The following SORCS3 variants were observed in gnomAD, a reference collection of about 807,000 sequenced individuals.
The protein encoded by SORCS3 is VPS10 domain-containing receptor SorCS3.
A neutral mutation model predicts 146.3 loss-of-function variants in SORCS3; 57 were observed. The observed-to-expected ratio is 0.39, with a 90% CI of 0.31 to 0.49. SORCS3 has a LOEUF of 0.49. Ranked by LOEUF, SORCS3 falls within the 20% of genes least tolerant of loss-of-function variation. SORCS3 has a pLI of 0.92. For synonymous variants in SORCS3, 653 were observed against 618.5 expected (o/e 1.06, Z -0.83); for missense variants, 1,341 against 1,575.5 (o/e 0.85, Z 2.52).
At chr10:104,983,174 A>G (rs374330034) in intron 4 of SORCS3, among the ~76,000 whole-genome samples, 148 of 152,036 alleles carry the variant, frequency 9.7e-4, no homozygotes, top group Middle Eastern at 3.4e-3. Context: ...TAATTTTTAT[A>G]TTTTTATGTA....
At chr10:104,739,799 G>A (rs956285308) in intron 1 of SORCS3, among the ~76,000 whole-genome samples, 2 of 152,140 alleles carry the variant, frequency 1.3e-5, no homozygotes, top group Non-Finnish European at 2.9e-5. Flanking sequence ...CACCTACTCA[G>A]TCATTTGATT....
chr10:104,740,956 T>TTTA (rs913073056), intron 1 of SORCS3, among the ~76,000 whole-genome samples: 12 of 151,450 alleles, frequency 7.9e-5, no homozygotes, highest in East Asian at 3.9e-4. Context: ...TCCTCTCCCT[T>TTTA]TTATTATTAT....
At chr10:104,741,843 A>T (rs2016849286) in intron 1 of SORCS3, among the ~76,000 whole-genome samples, 1 of 148,722 alleles carries the variant, frequency 6.7e-6, no homozygotes, top group East Asian at 2.0e-4. Context: ...CTATTTTTTC[A>T]TGTGTTTCAA....
At chr10:104,826,583 A>G (rs904542031) in intron 1 of SORCS3, among the ~76,000 whole-genome samples, 10 of 152,242 alleles carry the variant, frequency 6.6e-5, no homozygotes, top group Non-Finnish European at 1.3e-4. Context: ...ATTGCTAAAA[A>G]TACTAATGAT....
At chr10:104,694,716 C>A (rs572013059) in intron 1 of SORCS3, among the ~76,000 whole-genome samples, 12 of 152,264 alleles carry the variant, frequency 7.9e-5, no homozygotes, top group African/African-American at 2.2e-4. Context: ...TCCTGCCTAG[C>A]CTTCATTCCC....
chr10:104,669,983 A>C (rs984636806), intron 1 of SORCS3, among the ~76,000 whole-genome samples: 15 of 152,186 alleles, frequency 9.9e-5, no homozygotes, highest in African/African-American at 3.6e-4. Context: ...AGTGATATTG[A>C]ACATCTTTTC....
At chr10:105,025,338 T>G (rs1383745482) in intron 4 of SORCS3, among the ~76,000 whole-genome samples, 1 of 152,156 alleles carries the variant, frequency 6.6e-6, no homozygotes, top group East Asian at 1.9e-4. Flanking sequence ...CAGGTCCTGA[T>G]AGCTGTGGGC....
chr10:105,193,856 T>C lies in SORCS3; in HGVS notation c.2010-6143T>C, dbSNP rs568762803. On this transcript the variant is annotated intron_variant, in intron 14 of 26. Transcript: ENST00000369701. ...GGAAGACCACCTGTAACCAGAGTCA[T>C]GTTAGCAGTGTAGGCATTTAGAATC... 3.9e-5 allele frequency among the ~76,000 whole-genome samples: 6 copies of C among 152,222 alleles called. No individual in the cohort carries two copies. In the South Asian group the frequency reaches 6.2e-4, roughly 16 times the overall value.
At chr10:105,226,199 T>C (rs2056733108) in intron 20 of SORCS3, among the ~76,000 whole-genome samples, 1 of 151,970 alleles carries the variant, frequency 6.6e-6, no homozygotes, top group Admixed American at 6.6e-5. Flanking sequence ...TATGGATTTG[T>C]CATATAGCCT....
At chr10:105,146,129 C>G (rs10509784) in intron 8 of SORCS3, among the ~76,000 whole-genome samples, 6,009 of 152,146 alleles carry the variant, frequency 0.039, 180 homozygotes, top group East Asian at 0.16. Flanking sequence ...ATCTATTACT[C>G]TTTGGCATAT....
intron 5 of SORCS3, among the ~76,000 whole-genome samples, chr10:105,081,976 A>G (rs988992366): frequency 2.0e-5 from 3 of 152,210 alleles, no homozygotes; most frequent in Admixed American, 1.3e-4. Flanking sequence ...CACCATGCTT[A>G]TGAAGTTTAT....
At chr10:105,092,608 AAC>A (rs61665816) in intron 6 of SORCS3, among the ~76,000 whole-genome samples, 6,391 of 147,094 alleles carry the variant, frequency 0.043, 198 homozygotes, top group East Asian at 0.17. Flanking sequence ...TGCATTCACA[AAC>A]ACACACACAC....
At chr10:104,887,430 A>G (rs147500585) in intron 2 of SORCS3, among the ~76,000 whole-genome samples, 2 of 152,316 alleles carry the variant, frequency 1.3e-5, no homozygotes, top group East Asian at 3.9e-4. Context: ...GTGGGAGTGC[A>G]TAAGAATAAC....
intron 5 of SORCS3, among the ~76,000 whole-genome samples, chr10:105,059,801 C>T (rs892583006): frequency 6.6e-6 from 1 of 152,200 alleles, no homozygotes; most frequent in African/African-American, 2.4e-5. Context: ...GGCCCCATCA[C>T]GAACCCACAG....
intron 1 of SORCS3, among the ~76,000 whole-genome samples, chr10:104,752,472 C>A (rs567759611): frequency 2.0e-5 from 3 of 152,258 alleles, no homozygotes; most frequent in South Asian, 2.1e-4. Flanking sequence ...GAGGGTAAGC[C>A]TTGCTTGTAA....
At chr10:105,223,052 G>A in intron 19 of SORCS3, 64 bp from the exon 20 acceptor site, 1 of 1,484,750 alleles carries the variant, frequency 6.7e-7, no homozygotes, top group Non-Finnish European at 9.1e-7. Flanking sequence ...AAGAATCTAG[G>A]GGTGTGATAC....
Position 105,141,490 on chromosome 10 carries a change from G to A in SORCS3, c.1302+2004G>A, listed in dbSNP as rs757369115. Among the ~76,000 whole-genome samples, 7 of 152,174 alleles carry A rather than the reference G, an allele frequency of 4.6e-5. 1 individual carries two copies. Among genetic ancestry groups the A allele is most frequent in the South Asian group, 4.1e-4 (2 of 4,834 alleles). ...AAGTTTTGCTGTTCCATGCAGTGCC[G>A]TGGATGCTTTTAGGTGGCTTGCTTA... On this transcript the variant is annotated intron_variant, in intron 8 of 26. Coordinates refer to ENST00000369701, the MANE Select transcript of SORCS3 (RefSeq NM_014978.3).
In SORCS3 at chr10:105,001,182, TTAAG is replaced by T. The variant is rs138327403; in HGVS notation, c.954+23695_954+23698del. Among the ~76,000 whole-genome samples the T allele has an allele frequency of 9.2e-3, 1,398 of 152,230 alleles. 23 individuals carry two copies. Among genetic ancestry groups the T allele is most frequent in the African/African-American group, 0.032 (1,323 of 41,526 alleles). On this transcript the variant is annotated intron_variant, in intron 4 of 26. Transcript: ENST00000369701. ...ATAATGTTGTGAAGGTTCAGGATAG[TTAAG>T]TAAGTTTTTGGAGGTCACATAGCCA...
chr10:105,108,834 T>G (rs563374324), intron 7 of SORCS3, among the ~76,000 whole-genome samples: 1 of 152,340 alleles, frequency 6.6e-6, no homozygotes, highest in Admixed American at 6.5e-5. Context: ...GGTAGACAAC[T>G]ACATACAGTG....
Sources: allele counts gnomAD v4.1 joint callset (sites outside exome capture counted in the v4.1 genomes callset), GRCh38; gene constraint gnomAD v4.1.1; transcripts MANE v1.5; gene names NCBI Gene and HGNC (gene_info 2026-07-23, HGNC 2026-07-21).